CDKL5: variants seen among roughly 807,000 people sequenced by gnomAD.
CDKL5 encodes the protein cyclin-dependent kinase-like 5.
Under a neutral mutation model 61.7 loss-of-function variants are expected in CDKL5, and 8 were observed. The ratio of observed to expected loss-of-function variants is 0.13; its 90% CI spans 0.08 to 0.23. CDKL5 has a LOEUF of 0.23. Among genes scored for constraint, CDKL5 ranks in the 10% least tolerant of loss-of-function variants. The pLI, the probability that CDKL5 is intolerant of heterozygous loss-of-function variation, is 1.00. For missense variants in CDKL5, 440 were observed against 734.5 expected (o/e 0.60, Z 4.63); for synonymous variants, 275 against 272.3 (o/e 1.01, Z -0.10).
chrX:18,500,559 T>G (rs1922346144), intron 1 of CDKL5, among the ~76,000 whole-genome samples: 1 of 111,978 alleles, frequency 8.9e-6, no homozygotes, highest in African/African-American at 3.2e-5. Flanking sequence ...TTCTTCACAA[T>G]CTTGTTAAGT....
intron 1 of CDKL5, among the ~76,000 whole-genome samples, chrX:18,504,979 A>T: frequency 9.1e-6 from 1 of 110,303 alleles, no homozygotes; most frequent in East Asian, 2.8e-4. Context: ...GGCAGTAAGG[A>T]ACTTCTTGTT....
At chrX:18,575,069 AAG>A (rs1164351125) in intron 4 of CDKL5, among the ~76,000 whole-genome samples, 2 of 112,032 alleles carry the variant, frequency 1.8e-5, no homozygotes, top group Non-Finnish European at 3.8e-5. Flanking sequence ...CACGTAGTAA[AAG>A]AAGTATAAGA....
intron 3 of CDKL5, among the ~76,000 whole-genome samples, chrX:18,536,445 T>G (rs933898329): frequency 2.8e-5 from 2 of 71,790 alleles, no homozygotes; most frequent in South Asian, 9.4e-4. Context: ...TTTTTTTTTT[T>G]TTTTTTTTTT....
intron 1 of CDKL5, among the ~76,000 whole-genome samples, chrX:18,504,335 G>A (rs900787048): frequency 9.0e-6 from 1 of 110,755 alleles, no homozygotes; most frequent in Non-Finnish European, 1.9e-5. Context: ...CTAATTCCTG[G>A]GCTCAAGCGA....
intron 11 of CDKL5, among the ~76,000 whole-genome samples, chrX:18,601,775 C>T (rs1334868539): frequency 8.9e-6 from 1 of 112,388 alleles, no homozygotes; most frequent in Non-Finnish European, 1.9e-5. Flanking sequence ...TCCACATGTA[C>T]GTTTCTGCTT....
chrX:18,652,051 C>T (rs1409869975), intron 21 of CDKL5, among the ~76,000 whole-genome samples: 3 of 110,544 alleles, frequency 2.7e-5, no homozygotes, highest in Non-Finnish European at 5.7e-5. Context: ...ACCTGTCACG[C>T]ACCCCTCCTC....
intron 17 of CDKL5, chrX:18,627,133 TCTG>T (rs1264005950): frequency 9.0e-6 from 1 of 111,250 alleles, no homozygotes; most frequent in African/African-American, 3.3e-5. Context: ...TACAGTGTGC[TCTG>T]CTACTTCCTG....
chrX:18,524,008 T>C (rs757585008), intron 3 of CDKL5, among the ~76,000 whole-genome samples: 1 of 112,041 alleles, frequency 8.9e-6, no homozygotes, highest in South Asian at 3.7e-4. Flanking sequence ...ATTTTCTCTG[T>C]ATAAGGTACC....
Position 18,587,938 on chromosome X carries a change from T to C in CDKL5, c.555-16T>C. The C allele has an allele frequency of 1.7e-6, 2 of 1,197,295 alleles. No individual in the cohort carries two copies. Among genetic ancestry groups the C allele is most frequent in the Non-Finnish European group, 2.3e-6 (2 of 882,409 alleles). On this transcript the variant is annotated splice_polypyrimidine_tract_variant and intron_variant, in intron 8 of 17. Coordinates refer to ENST00000623535, the MANE Select transcript of CDKL5 (RefSeq NM_001323289.2). Reference sequence around the variant, plus strand: ...TTTTTTCAGTTGCCAAAATAATCTCTTCCTTTATTTTTCAGCGCTCCCTAT... The same window carrying C: ...TTTTTTCAGTTGCCAAAATAATCTCCTCCTTTATTTTTCAGCGCTCCCTAT...
chrX:18,627,559 GCT>G (rs1227974289), intron 17 of CDKL5: 1 of 111,038 alleles, frequency 9.0e-6, no homozygotes, highest in East Asian at 2.8e-4. Context: ...TGAGCAGACG[GCT>G]CTGAGGCTCC....
rs1283347233 is a variant in CDKL5, at chrX:18,577,044, G to A, written c.282+1554G>A. Among the ~76,000 whole-genome samples the A allele has an allele frequency of 6.3e-5, 7 of 110,467 alleles. No homozygotes were observed. In the South Asian group the frequency reaches 1.2e-3, roughly 18 times the overall value. ...CCTGAGTCGCTAGGACTACAGGTGC[G>A]CGCCACCATGCCTGGCTGCTTTTTA... On this transcript the variant is annotated intron_variant, in intron 5 of 17. Transcript: ENST00000623535.
At chrX:18,593,474 G>C (rs1925892706) in intron 9 of CDKL5, among the ~76,000 whole-genome samples, 2 of 111,314 alleles carry the variant, frequency 1.8e-5, no homozygotes, top group Non-Finnish European at 3.8e-5. Flanking sequence ...ACTGGTATAG[G>C]GTCTTTTATC....
chrX:18,585,991 T>C (rs1478613111), intron 8 of CDKL5, among the ~76,000 whole-genome samples: 3 of 111,919 alleles, frequency 2.7e-5, no homozygotes, highest in Non-Finnish European at 1.9e-5. Flanking sequence ...ATTAACTACT[T>C]ATTTTCCAGT....
intron 1 of CDKL5, among the ~76,000 whole-genome samples, chrX:18,498,993 ACTC>A (rs1287761771): frequency 6.3e-5 from 7 of 110,483 alleles, no homozygotes; most frequent in Admixed American, 9.6e-5. Context: ...CTGGTCTCGA[ACTC>A]CTGGCCTCAA....
Position 18,509,240 on chromosome X carries a change from CA to C in CDKL5, c.65-1579del, listed in dbSNP as rs1186824426. Among the ~76,000 whole-genome samples the C allele has an allele frequency of 5.5e-3, 593 of 107,534 alleles. 12 individuals carry two copies. Among genetic ancestry groups the C allele is most frequent in the Admixed American group, 0.015 (143 of 9,534 alleles). The allele number at this position is 107,534 out of a possible 115,157, so 93.4% of individuals were successfully genotyped here. Reference sequence around the variant, plus strand: ...ACACACACACACACACACACACACACACACACCCCTGTCAAGCAAACTCTGC... The same window carrying C: ...ACACACACACACACACACACACACACCACACCCCTGTCAAGCAAACTCTGC... On this transcript the variant is annotated intron_variant, in intron 2 of 17. Transcript: ENST00000623535.
intron 1 of CDKL5, among the ~76,000 whole-genome samples, chrX:18,444,219 C>T (rs1041554387): frequency 9.1e-6 from 1 of 109,693 alleles, no homozygotes; most frequent in African/African-American, 3.3e-5. Flanking sequence ...AAAATAGTTT[C>T]GTCTCCATTT....
chrX:18,584,765 G>A (rs978326830), intron 8 of CDKL5, among the ~76,000 whole-genome samples: 2 of 111,784 alleles, frequency 1.8e-5, no homozygotes, highest in Non-Finnish European at 3.8e-5. Flanking sequence ...TATTAAGAGG[G>A]TAAGCCCCAA....
intron 1 of CDKL5, among the ~76,000 whole-genome samples, chrX:18,486,426 T>C (rs1255797729): frequency 2.7e-5 from 3 of 112,265 alleles, no homozygotes; most frequent in Non-Finnish European, 5.6e-5. Flanking sequence ...AATATTTGCA[T>C]TTAAAATGCC....
intron 3 of CDKL5, among the ~76,000 whole-genome samples, chrX:18,549,439 A>C (rs1924309907): frequency 8.9e-6 from 1 of 112,299 alleles, no homozygotes; most frequent in African/African-American, 3.2e-5. Context: ...TCAGTCCATA[A>C]TTTTAAACTT....
Sources: gnomAD v4.1 joint callset for allele counts (sites outside exome capture counted in the v4.1 genomes callset) on GRCh38, gnomAD v4.1.1 for gene constraint, MANE v1.5 for transcripts, NCBI Gene and HGNC (gene_info 2026-07-23, HGNC 2026-07-21) for gene names.